The following ZAN variants were observed in gnomAD, a reference collection of about 807,000 sequenced individuals.
The protein encoded by ZAN is zonadhesin (gene/pseudogene).
ZAN carries 260 observed loss-of-function variants against 286.2 expected under a neutral mutation model. The ratio of observed to expected loss-of-function variants is 0.91; its 90% CI spans 0.82 to 1.01. The LOEUF is 1.01. Among genes scored for constraint, ZAN ranks in the 50% least tolerant of loss-of-function variants. The pLI is 0.00. For synonymous variants in ZAN, 1,368 were observed against 1,417.5 expected, an observed-to-expected ratio of 0.97 and a Z score of 0.79; for missense variants, 3,410 against 3,639.2, an observed-to-expected ratio of 0.94 and a Z score of 1.62.
chr7:100,749,506 G>C (rs1808471964), intron 11 of ZAN, among the ~76,000 whole-genome samples: 1 of 151,548 alleles, frequency 6.6e-6, no homozygotes, highest in Admixed American at 6.6e-5. Flanking sequence ...CAGGCATGGT[G>C]GTGGGCGCCT....
intron 36 of ZAN, among the ~76,000 whole-genome samples, chr7:100,785,225 T>A (rs949629781): frequency 0.014 from 61 of 4,360 alleles, no homozygotes; most frequent in Non-Finnish European, 0.037. Flanking sequence ...CACAGTGCCT[T>A]TTTTTTTTTT....
At chr7:100,738,708 T>C in intron 7 of ZAN, 95 bp downstream of exon 7, 1 of 1,266,708 alleles carries the variant, frequency 7.9e-7, no homozygotes, top group Non-Finnish European at 1.1e-6. Context: ...CACCTACAGC[T>C]TCAAGCCTCT....
rs560890967 is a variant in ZAN at position 100,765,232 on chromosome 7, C to G, written c.4268-120C>G. ...TGGGGAAGCTTCTCACAGTCACTCT[C>G]TCTTCTCGAGATTGGCCAGAAGCCT... On this transcript the variant is annotated intron_variant, in intron 22 of 47. Coordinates refer to ENST00000613979, the MANE Select transcript of ZAN (RefSeq NM_003386.3). The G allele has an allele frequency of 2.6e-6, 3 of 1,161,258 alleles. No individual in the cohort carries two copies. In the African/African-American group the frequency reaches 4.6e-5, roughly 18 times the overall value. 71.9% of individuals were successfully genotyped at this position (1,161,258 alleles called of 1,614,324 possible). A position where few individuals can be genotyped will look rare whatever the true frequency, so the allele number is the denominator to read the frequency against.
chr7:100,790,479 G>A (rs909452425), intron 39 of ZAN, among the ~76,000 whole-genome samples: 1 of 150,452 alleles, frequency 6.6e-6, no homozygotes, highest in Admixed American at 6.7e-5. Flanking sequence ...GGAGAATGGA[G>A]TGAACCTGGG....
Position 100,737,403 on chromosome 7 carries a change from T to C in ZAN, c.613+54T>C, listed in dbSNP as rs932312413. ...CCTCGGACCCTTTTCTCTCCGTCCT[T>C]GCACAACAAGAAGAGGATCCAGGGC... is the stretch of plus-strand genomic sequence containing the variant. On this transcript the variant is annotated intron_variant, in intron 6 of 47. Coordinates refer to ENST00000613979, the MANE Select transcript of ZAN (RefSeq NM_003386.3). 1.5e-4 allele frequency: 179 copies of C among 1,231,050 alleles called. 26 individuals are homozygous for C. Among genetic ancestry groups the C allele is most frequent in the Non-Finnish European group, 1.9e-4 (169 of 889,894 alleles). 76.3% of individuals were successfully genotyped at this position (1,231,050 alleles called of 1,614,324 possible). A position where few individuals can be genotyped will look rare whatever the true frequency, so the allele number is the denominator to read the frequency against.
chr7:100,736,164 C>T (rs139114812), intron 3 of ZAN, among the ~76,000 whole-genome samples: 1,456 of 142,022 alleles, frequency 0.01, 239 homozygotes, highest in African/African-American at 0.036. Flanking sequence ...AAAAAACAGA[C>T]GAGCAATTTC....
intron 15 of ZAN, 74 bp from the exon 16 acceptor site, chr7:100,758,128 A>C (rs1809280921): frequency 9.0e-7 from 1 of 1,115,814 alleles, no homozygotes; most frequent in Non-Finnish European, 1.2e-6. Flanking sequence ...AAATAAATAA[A>C]TGAAAAAGAA....
intron 35 of ZAN, among the ~76,000 whole-genome samples, chr7:100,783,651 T>C (rs1811332400): frequency 1.5e-5 from 2 of 136,754 alleles, no homozygotes; most frequent in African/African-American, 5.5e-5. Context: ...GGAGAATCTC[T>C]GGAACCAGGG....
chr7:100,787,176 CTT>C (rs146108826), intron 37 of ZAN, among the ~76,000 whole-genome samples: 501 of 151,836 alleles, frequency 3.3e-3, no homozygotes, highest in Admixed American at 7.2e-3. Flanking sequence ...AATCTCAGCA[CTT>C]TGGACTTTGG....
Position 100,752,990 on chromosome 7 carries a change from C to A in ZAN, c.2885C>A (p.Pro962His). ...PEKLTIPTEK[P>H]TISTEKPTIP... ...AAACTCACCATCCCCACAGAAAAAC[C>A]CACCATCTCCACGGAAAAACCCACC... Residue 962 changes from proline (P) to histidine (H), a missense_variant, in exon 14 of 48, where the codon CCC becomes CAC. Transcript: ENST00000613979. 6.2e-7 allele frequency: 1 copy of A among 1,608,876 alleles called. No homozygotes were observed. The highest frequency in any genetic ancestry group is 8.5e-7 in the Non-Finnish European group (1 of 1,177,558).
At position 100,770,992 on chromosome 7, in the gene ZAN, C is replaced by T. The variant is rs529548510; in HGVS notation, c.5249-852C>T. ...CTAGTTTTTGTATCTTTAGTAGAGA[C>T]AACATTTCACCATGTTGGCCAGGCT... On this transcript the variant is annotated intron_variant, in intron 28 of 47. Transcript: ENST00000613979. Among the ~76,000 whole-genome samples the T allele has an allele frequency of 1.2e-3, 176 of 152,268 alleles. No individual in the cohort carries two copies. The Middle Eastern group carries it at 0.017, about 15-fold the overall frequency.
intron 27 of ZAN, among the ~76,000 whole-genome samples, chr7:100,769,673 T>C (rs937867300): frequency 3.3e-5 from 5 of 151,982 alleles, no homozygotes; most frequent in Non-Finnish European, 5.9e-5. Context: ...GCCTCCTGAG[T>C]AGCTGGGACT....
At position 100,768,718 on chromosome 7, in the gene ZAN, C is replaced by T; in HGVS notation, c.5150C>T (p.Pro1717Leu). 1 of 1,591,796 alleles carries T rather than the reference C, an allele frequency of 6.3e-7. No individual in the cohort carries two copies. The change falls in exon 27 of 48, where the codon CCT (proline) becomes CTT (leucine). Residue 1717 changes from proline (P) to leucine (L), a missense_variant. Transcript: ENST00000613979. ...AAWKLPESSEPGCFLVGGKPS... is the reference protein window; with the variant it reads ...AAWKLPESSELGCFLVGGKPS... ...TGGAAGTTACCTGAATCCTCTGAAC[C>T]TGGGTGAGCTGGGGGTCAGGGGAGC... is the stretch of plus-strand genomic sequence containing the variant.
In ZAN at chr7:100,765,402, C is replaced by A; in HGVS notation, c.4318C>A (p.Pro1440Thr). ...GTACTCCCTGTGTGCGAAGCCATGC[C>A]CTGACACCTGCCATTCAGGATTCTC... Reference protein sequence around the residue: ...SKYSLCAKPCPDTCHSGFSGM... With the variant: ...SKYSLCAKPCTDTCHSGFSGM... The change falls in exon 23 of 48, where the codon CCT becomes ACT. Residue 1440 changes from proline to threonine, a missense_variant. By Grantham distance (38) the Pro-to-Thr change is conservative. Around this residue, in one of 7 missense-constraint regions of ZAN, gnomAD observed 1,042 missense variants for 1,058.0 expected, o/e 0.98. Coordinates refer to ENST00000613979, the MANE Select transcript of ZAN (RefSeq NM_003386.3). 4 of 1,613,988 alleles carry A rather than the reference C, an allele frequency of 2.5e-6. No homozygotes were observed. Among genetic ancestry groups the A allele is most frequent in the Non-Finnish European group, 3.4e-6 (4 of 1,179,888 alleles).
intron 7 of ZAN, among the ~76,000 whole-genome samples, chr7:100,739,231 C>T (rs1440277360): frequency 1.5e-5 from 2 of 135,192 alleles, no homozygotes; most frequent in African/African-American, 5.4e-5. Flanking sequence ...AGGCTGGTCT[C>T]GAACTCCGGA....
At chr7:100,789,697 C>A (rs1270688752) in intron 39 of ZAN, among the ~76,000 whole-genome samples, 1 of 152,136 alleles carries the variant, frequency 6.6e-6, no homozygotes, top group Non-Finnish European at 1.5e-5. Flanking sequence ...GTAATCCCAG[C>A]ACTTTGGGAG....
chr7:100,738,864 CTCTTCT>C lies in ZAN; in HGVS notation c.766+258_766+263del, dbSNP rs201544312. Among the ~76,000 whole-genome samples, 90 of 79,350 alleles carry C rather than the reference CTCTTCT, an allele frequency of 1.1e-3. 6 individuals are homozygous for C. The East Asian group carries it at 0.014, about 12-fold the overall frequency. 52.1% of individuals were successfully genotyped at this position (79,350 alleles called of 152,430 possible). On this transcript the variant is annotated intron_variant, in intron 7 of 47. Transcript: ENST00000613979. ...GCTCTTCTTCTTCTTCTTTCTCTTCCTCTTCTTCTTCTCCCTCTCCCTCTCCCTCTC... is the reference window on the plus strand; with the variant it reads ...GCTCTTCTTCTTCTTCTTTCTCTTCCTCTTCTCCCTCTCCCTCTCCCTCTC...
intron 2 of ZAN, among the ~76,000 whole-genome samples, chr7:100,734,630 A>C (rs1584538281): frequency 7.2e-6 from 1 of 139,220 alleles, no homozygotes; most frequent in East Asian, 2.0e-4. Flanking sequence ...AAAAAAAAAA[A>C]ACAAAAAAAA....
rs1376520790 is a variant in ZAN at position 100,751,263 on chromosome 7, C to G, written c.1603C>G (p.Pro535Ala). The change falls in exon 13 of 48, where the codon CCA (proline) becomes GCA (alanine). Residue 535 changes from proline to alanine, a missense_variant. Pro to Ala is a conservative substitution (Grantham distance 27). This residue lies in a region of ZAN where 872 missense variants were observed against 938.9 expected (regional missense o/e 0.93). Coordinates refer to ENST00000613979, the MANE Select transcript of ZAN (RefSeq NM_003386.3). ...CATCTTGATCAATCCTGGGACTTGT[C>G]CAGGTAAGACCAAAGCCCAGGCTCC... ...GFILINPGTC[P>A]VKVLPELPPV... 1.9e-6 allele frequency: 3 copies of G among 1,581,622 alleles called. No individual in the cohort carries two copies. The highest frequency in any genetic ancestry group is 4.6e-5 in the East Asian group (2 of 43,848).
Sources: gnomAD v4.1 joint callset for allele counts (sites outside exome capture counted in the v4.1 genomes callset) on GRCh38, gnomAD v4.1.1 for gene constraint, gnomAD v4.1.1 regional missense constraint, MANE v1.5 for transcripts, NCBI Gene and HGNC (gene_info 2026-07-23, HGNC 2026-07-21) for gene names.